CDK7: variants seen among roughly 807,000 people sequenced by gnomAD.
CDK7 encodes the protein cyclin-dependent kinase 7.
In CDK7, 25 loss-of-function variants were observed where a neutral mutation model predicts 49.1. The observed-to-expected ratio is 0.51, with a 90% confidence interval of 0.37 to 0.71. CDK7 has a LOEUF of 0.71. CDK7 is among the 30% of genes least tolerant of loss of function. The pLI is 0.00. For missense variants in CDK7, 316 were observed against 411.7 expected, an observed-to-expected ratio of 0.77 and a Z score of 2.01; for synonymous variants, 107 against 140.0, an observed-to-expected ratio of 0.76 and a Z score of 1.67.
chr5:69,261,720 C>T (rs556848475), intron 7 of CDK7, among the ~76,000 whole-genome samples: 8 of 151,980 alleles, frequency 5.3e-5, no homozygotes, highest in Admixed American at 2.6e-4. Flanking sequence ...TTAGTAGAGA[C>T]GGGTTTCACT....
At chr5:69,255,028 G>C (rs188299472) in intron 4 of CDK7, among the ~76,000 whole-genome samples, 1 of 152,218 alleles carries the variant, frequency 6.6e-6, no homozygotes, top group Non-Finnish European at 1.5e-5. Context: ...TCATAGGGAA[G>C]TTGTGAGACT....
intron 2 of CDK7, among the ~76,000 whole-genome samples, chr5:69,237,099 T>C (rs2062435): frequency 1.3e-5 from 2 of 151,910 alleles, no homozygotes; most frequent in East Asian, 3.9e-4. Context: ...CTTTCTTTTG[T>C]GGTGGCGGGG....
chr5:69,266,934 CA>C (rs1751194670), intron 8 of CDK7, among the ~76,000 whole-genome samples: 1 of 151,922 alleles, frequency 6.6e-6, no homozygotes, highest in African/African-American at 2.4e-5. Context: ...ACGTAATTAT[CA>C]AAAATGAGAG....
chr5:69,246,881 T>C (rs541493526), intron 2 of CDK7, among the ~76,000 whole-genome samples: 1 of 152,324 alleles, frequency 6.6e-6, no homozygotes, highest in South Asian at 2.1e-4. Context: ...AGTGTATTGG[T>C]TAATTTTCGT....
intron 9 of CDK7, among the ~76,000 whole-genome samples, chr5:69,272,071 G>C (rs868655615): frequency 1.3e-5 from 2 of 152,072 alleles, no homozygotes; most frequent in African/African-American, 2.4e-5. Flanking sequence ...GATTACAAGC[G>C]TGAGCTGCCA....
At chr5:69,237,674 G>A (rs559047721) in intron 2 of CDK7, among the ~76,000 whole-genome samples, 79 of 152,266 alleles carry the variant, frequency 5.2e-4, no homozygotes, top group African/African-American at 1.7e-3. Context: ...CTTTCAGCTG[G>A]GCGCGGTGGC....
Position 69,269,292 on chromosome 5 carries a change from C to G in CDK7, c.713C>G (p.Pro238Arg). 2 of 1,602,340 alleles carry G rather than the reference C, an allele frequency of 1.2e-6. No individual in the cohort carries two copies. The highest frequency in any genetic ancestry group is 1.7e-6 in the Non-Finnish European group (2 of 1,173,868). The change falls in exon 9 of 12, where the codon CCG becomes CGG. Residue 238 changes from proline (P) to arginine (R), a missense_variant and splice_region_variant. Coordinates refer to ENST00000256443, the MANE Select transcript of CDK7 (RefSeq NM_001799.4). ...TLGTPTEEQW[P>R]DMCSLPDYVT... ...GGCACACCAACTGAGGAACAGTGGC[C>G]GGTAAGCCTTTATGCATTTTCTTTG...
chr5:69,241,307 GTTTTTTCTTT>G lies in CDK7; in HGVS notation c.126+5861_126+5870del, dbSNP rs369259182. On this transcript the variant is annotated intron_variant, in intron 2 of 11. Transcript: ENST00000256443. ...TAGGTGAGATGCTCTCTCATTGTAGGTTTTTTCTTTTTTTTTTTTTTTTTTTTTTTTGAGA... is the reference window on the plus strand; with the variant it reads ...TAGGTGAGATGCTCTCTCATTGTAGGTTTTTTTTTTTTTTTTTTTTTGAGA... Among the ~76,000 whole-genome samples, 853 of 112,868 alleles carry G rather than the reference GTTTTTTCTTT, an allele frequency of 7.6e-3. 28 individuals carry two copies. Among genetic ancestry groups the G allele is most frequent in the African/African-American group, 0.025 (754 of 30,138 alleles). The allele number at this position is 112,868 out of a possible 152,430, so 74.0% of individuals were successfully genotyped here.
intron 5 of CDK7, 97 bp downstream of exon 5, chr5:69,255,625 G>C: frequency 1.1e-6 from 1 of 893,642 alleles, no homozygotes; most frequent in Non-Finnish European, 1.9e-6. Flanking sequence ...GGTAGTAAAA[G>C]AAAAAAAGCT....
At chr5:69,237,921 T>G (rs1223447836) in intron 2 of CDK7, among the ~76,000 whole-genome samples, 2 of 152,172 alleles carry the variant, frequency 1.3e-5, no homozygotes, top group African/African-American at 4.8e-5. Flanking sequence ...TCTTGAGGTG[T>G]TTTTTCTCCC....
chr5:69,244,505 G>A (rs550822751), intron 2 of CDK7, among the ~76,000 whole-genome samples: 60 of 152,072 alleles, frequency 3.9e-4, no homozygotes, highest in African/African-American at 1.3e-3. Context: ...GCATGATGGC[G>A]CATGCCTGTA....
At chr5:69,250,872 G>A (rs1252255128) in intron 2 of CDK7, 3 of 456,460 alleles carry the variant, frequency 6.6e-6, no homozygotes, top group Non-Finnish European at 1.3e-5. Flanking sequence ...CAGGGCCCAG[G>A]GGCTCTATAG....
chr5:69,238,661 T>TA (rs1009319648), intron 2 of CDK7, among the ~76,000 whole-genome samples: 2 of 135,926 alleles, frequency 1.5e-5, no homozygotes, highest in Admixed American at 7.7e-5. Context: ...TTTTTTTATT[T>TA]TATTTTTTTT....
chr5:69,261,155 C>G (rs1256993667), intron 7 of CDK7, among the ~76,000 whole-genome samples: 7 of 152,004 alleles, frequency 4.6e-5, no homozygotes, highest in Non-Finnish European at 8.8e-5. Context: ...CCACCTTCTT[C>G]CAAATAGATG....
chr5:69,273,981 T>C (rs1226452526), intron 10 of CDK7, among the ~76,000 whole-genome samples: 1 of 152,180 alleles, frequency 6.6e-6, no homozygotes, highest in African/African-American at 2.4e-5. Context: ...TAATTTCTTT[T>C]TTAAAAAATT....
intron 10 of CDK7, among the ~76,000 whole-genome samples, chr5:69,275,304 A>G (rs1752004645): frequency 6.6e-6 from 1 of 152,214 alleles, no homozygotes; most frequent in Non-Finnish European, 1.5e-5. Context: ...ATTAGAATCC[A>G]TTGGTTCCAA....
chr5:69,251,227 A>G (rs1750122405), intron 2 of CDK7, among the ~76,000 whole-genome samples: 1 of 151,700 alleles, frequency 6.6e-6, no homozygotes, highest in Non-Finnish European at 1.5e-5. Context: ...CCTCCCAAGT[A>G]GCTGGGACTA....
At chr5:69,258,984 G>A (rs921394835) in intron 6 of CDK7, among the ~76,000 whole-genome samples, 3 of 152,038 alleles carry the variant, frequency 2.0e-5, no homozygotes, top group African/African-American at 7.2e-5. Context: ...GCTGAGGTTG[G>A]GGGATCACCT....
At chr5:69,255,378 A>G in intron 4 of CDK7, 82 bp from the exon 5 acceptor site, 1 of 743,078 alleles carries the variant, frequency 1.3e-6, no homozygotes, top group South Asian at 1.9e-5. Context: ...AATGCTTTTT[A>G]AATTTTTAAA....
Sources: gnomAD v4.1 joint callset for allele counts (sites outside exome capture counted in the v4.1 genomes callset) on GRCh38, gnomAD v4.1.1 for gene constraint, MANE v1.5 for transcripts, NCBI Gene and HGNC (gene_info 2026-07-23, HGNC 2026-07-21) for gene names.